The following CDH12 variants were observed in gnomAD, a reference collection of about 807,000 sequenced individuals.
CDH12 encodes cadherin 12.
Under a neutral mutation model 74.1 loss-of-function variants are expected in CDH12, and 41 were observed. That is an observed-to-expected ratio of 0.55 (90% CI 0.43 to 0.72). The LOEUF is 0.72. CDH12 is among the 30% of genes least tolerant of loss of function. CDH12 has a pLI of 0.00. For missense variants in CDH12, 945 were observed against 977.2 expected, an observed-to-expected ratio of 0.97 and a Z score of 0.44; for synonymous variants, 399 against 355.0, an observed-to-expected ratio of 1.12 and a Z score of -1.39.
intron 1 of CDH12, among the ~76,000 whole-genome samples, chr5:22,835,184 T>C (rs1020989504): frequency 4.6e-5 from 7 of 152,130 alleles, no homozygotes; most frequent in African/African-American, 1.7e-4. Flanking sequence ...CATATCATGA[T>C]TATTTTTATA....
intron 6 of CDH12, among the ~76,000 whole-genome samples, chr5:21,876,735 G>C (rs1378117138): frequency 6.7e-6 from 1 of 150,272 alleles, no homozygotes; most frequent in African/African-American, 2.4e-5. Flanking sequence ...ATTTAATTTT[G>C]TCCACAGCAC....
chr5:21,927,105 T>C (rs1442308673), intron 6 of CDH12, among the ~76,000 whole-genome samples: 1 of 152,102 alleles, frequency 6.6e-6, no homozygotes, highest in East Asian at 1.9e-4. Context: ...CAGTACACTG[T>C]CGTAATGGCA....
At chr5:22,418,655 G>A (rs186279069) in intron 2 of CDH12, among the ~76,000 whole-genome samples, 6 of 152,188 alleles carry the variant, frequency 3.9e-5, no homozygotes, top group Admixed American at 6.5e-5. Flanking sequence ...AGGCCAAAGC[G>A]GGAGGTTCAC....
intron 4 of CDH12, among the ~76,000 whole-genome samples, chr5:22,124,747 G>A (rs1445422520): frequency 6.6e-6 from 1 of 152,080 alleles, no homozygotes; most frequent in Non-Finnish European, 1.5e-5. Context: ...ACATGGGTGA[G>A]GATCTTTGAA....
At chr5:22,113,627 C>G (rs1744935243) in intron 4 of CDH12, among the ~76,000 whole-genome samples, 1 of 152,062 alleles carries the variant, frequency 6.6e-6, no homozygotes, top group Non-Finnish European at 1.5e-5. Flanking sequence ...AAGCTGCGCC[C>G]CAACCACCTT....
chr5:22,698,723 ATATATATATATAGT>A (rs1256640657), intron 1 of CDH12, among the ~76,000 whole-genome samples: 17 of 16,480 alleles, frequency 1.0e-3, no homozygotes, highest in African/African-American at 3.3e-3. Flanking sequence ...ATATATATAT[ATATATATATATAGT>A]GTGTGTGTGT....
At chr5:21,832,944 T>C (rs1444698578) in intron 8 of CDH12, among the ~76,000 whole-genome samples, 1 of 94,632 alleles carries the variant, frequency 1.1e-5, no homozygotes, top group Non-Finnish European at 1.9e-5. Context: ...TTATATATAA[T>C]ATCATATTAT....
chr5:22,521,511 C>T (rs1463757415), intron 1 of CDH12, among the ~76,000 whole-genome samples: 1 of 152,118 alleles, frequency 6.6e-6, no homozygotes, highest in Admixed American at 6.6e-5. Flanking sequence ...ACCTAATCTA[C>T]ATATTCTATA....
At chr5:22,674,069 T>C (rs1302970831) in intron 1 of CDH12, among the ~76,000 whole-genome samples, 1 of 152,190 alleles carries the variant, frequency 6.6e-6, no homozygotes, top group Non-Finnish European at 1.5e-5. Context: ...TCCAGAACTG[T>C]TATAAGGGCC....
intron 6 of CDH12, among the ~76,000 whole-genome samples, chr5:21,864,112 T>C (rs918380101): frequency 2.0e-5 from 3 of 149,306 alleles, no homozygotes; most frequent in Non-Finnish European, 3.0e-5. Flanking sequence ...AGCAGAGAAA[T>C]GTAAAACAGA....
chr5:22,016,814 C>T (rs1353929214), intron 5 of CDH12, among the ~76,000 whole-genome samples: 2 of 152,134 alleles, frequency 1.3e-5, no homozygotes, highest in African/African-American at 4.8e-5. Flanking sequence ...AACCTTTGCA[C>T]TTGTAGATAA....
chr5:22,538,841 A>G (rs533810953), intron 1 of CDH12, among the ~76,000 whole-genome samples: 1 of 152,338 alleles, frequency 6.6e-6, no homozygotes, highest in Admixed American at 6.5e-5. Flanking sequence ...TTGCAGGTCC[A>G]GTCAATATTT....
At chr5:22,396,324 C>A (rs1742456887) in intron 3 of CDH12, among the ~76,000 whole-genome samples, 1 of 152,086 alleles carries the variant, frequency 6.6e-6, no homozygotes, top group African/African-American at 2.4e-5. Context: ...ATCAAAATTT[C>A]TCCAGTTACT....
chr5:22,314,615 GTT>G (rs1386416988), intron 3 of CDH12, among the ~76,000 whole-genome samples: 1 of 152,186 alleles, frequency 6.6e-6, no homozygotes, highest in Non-Finnish European at 1.5e-5. Context: ...AATATACATG[GTT>G]TTAGATGGTA....
intron 1 of CDH12, among the ~76,000 whole-genome samples, chr5:22,564,075 G>A (rs1033305892): frequency 2.0e-5 from 3 of 152,010 alleles, no homozygotes; most frequent in South Asian, 4.1e-4. Context: ...AACCAATTCC[G>A]TTTATTCTAA....
chr5:22,808,249 A>C (rs1561045826), intron 1 of CDH12, among the ~76,000 whole-genome samples: 1 of 152,216 alleles, frequency 6.6e-6, no homozygotes, highest in African/African-American at 2.4e-5. Context: ...CAAATACTTA[A>C]TACTCTAATG....
chr5:22,416,311 G>A (rs891184845), intron 2 of CDH12, among the ~76,000 whole-genome samples: 1 of 151,620 alleles, frequency 6.6e-6, no homozygotes, highest in Non-Finnish European at 1.5e-5. Context: ...TCCTGACCTC[G>A]TGATCCGCCC....
At chr5:22,525,501 A>AGG (rs1737228728) in intron 1 of CDH12, among the ~76,000 whole-genome samples, 1 of 151,174 alleles carries the variant, frequency 6.6e-6, no homozygotes, top group East Asian at 1.9e-4. Flanking sequence ...AGAGAGAGAG[A>AGG]AAGGAAGGAA....
chr5:21,844,893 A>G (rs1276492036), intron 7 of CDH12, among the ~76,000 whole-genome samples: 1 of 152,142 alleles, frequency 6.6e-6, no homozygotes, highest in African/African-American at 2.4e-5. Flanking sequence ...CACAAATGCA[A>G]CTACAATTTC....
Sources: allele counts gnomAD v4.1 joint callset (sites outside exome capture counted in the v4.1 genomes callset), GRCh38; gene constraint gnomAD v4.1.1; transcripts MANE v1.5; gene names NCBI Gene and HGNC (gene_info 2026-07-23, HGNC 2026-07-21).